Variants in ABCG1 observed in about 807,000 individuals in gnomAD.
The protein encoded by ABCG1 is ATP-binding cassette sub-family G member 1.
ABCG1 carries 29 observed loss-of-function variants against 69.2 expected under a neutral mutation model. The observed-to-expected ratio is 0.42, with a 90% CI of 0.31 to 0.57. The LOEUF (loss-of-function observed/expected upper bound fraction) is 0.57, where lower values mean the gene tolerates loss of function less well. Among genes scored for constraint, ABCG1 ranks in the 20% least tolerant of loss-of-function variants. The pLI is 0.15. For synonymous variants in ABCG1, 370 were observed against 374.8 expected (o/e 0.99, Z 0.15); for missense variants, 718 against 898.1 (o/e 0.80, Z 2.56).
intron 3 of ABCG1, among the ~76,000 whole-genome samples, chr21:42,272,346 G>A (rs118027638): frequency 0.011 from 1,607 of 152,308 alleles, 12 homozygotes; most frequent in Middle Eastern, 0.017. Flanking sequence ...TTGGCATCTC[G>A]GAGCTGCAGA....
At chr21:42,241,782 G>A (rs1433967368) in intron 2 of ABCG1, among the ~76,000 whole-genome samples, 1 of 151,072 alleles carries the variant, frequency 6.6e-6, no homozygotes, top group African/African-American at 2.4e-5. Context: ...AGAGCAGGAG[G>A]TCGAGACCAG....
Position 42,273,328 on chromosome 21 carries a change from C to T in ABCG1, c.430C>T (p.Leu144Phe). 6.2e-7 allele frequency: 1 copy of T among 1,613,596 alleles called. No homozygotes were observed. The highest frequency in any genetic ancestry group is 8.5e-7 in the Non-Finnish European group (1 of 1,179,902). ...GGAGACGGGCATGAAGGGGGCCGTC[C>T]TCATCAACGGCCTGCCCCGGGACCT... ...YRETGMKGAV[L>F]INGLPRDLRC... Residue 144 changes from leucine (L) to phenylalanine (F), a missense_variant, in exon 4 of 15, where the codon CTC becomes TTC. Leu to Phe is a conservative substitution (Grantham distance 22, BLOSUM62 0). Around this residue, in one of 2 missense-constraint regions of ABCG1, gnomAD observed 514 missense variants for 574.3 expected, o/e 0.90. Transcript: ENST00000398449. The surrounding 1 kb of genome is among the most constrained non-coding windows in gnomAD (Gnocchi z 5.3).
intron 2 of ABCG1, among the ~76,000 whole-genome samples, chr21:42,206,004 C>T (rs2067539867): frequency 6.6e-6 from 1 of 152,096 alleles, no homozygotes. Flanking sequence ...TCTAACTGTT[C>T]AGAAGTTTTT....
At chr21:42,259,959 G>C (rs1184939670) in intron 2 of ABCG1, 13 of 1,492,676 alleles carry the variant, frequency 8.7e-6, no homozygotes, top group Non-Finnish European at 1.2e-5. Context: ...GTGTTGGCTT[G>C]CTCTTCCCCT....
intron 1 of ABCG1, among the ~76,000 whole-genome samples, chr21:42,224,944 C>CT (rs545354317): frequency 0.041 from 5,879 of 144,422 alleles, 250 homozygotes; most frequent in African/African-American, 0.11. Flanking sequence ...GAACACCTAT[C>CT]TTTTTTTTTT....
chr21:42,289,624 G>C (rs1365317882), intron 10 of ABCG1, among the ~76,000 whole-genome samples: 1 of 152,104 alleles, frequency 6.6e-6, no homozygotes, highest in Non-Finnish European at 1.5e-5. Context: ...ATGGCTTCTG[G>C]GACCTAATTT....
At chr21:42,239,204 C>T (rs1265472666) in intron 2 of ABCG1, among the ~76,000 whole-genome samples, 1 of 152,202 alleles carries the variant, frequency 6.6e-6, no homozygotes, top group Non-Finnish European at 1.5e-5. Flanking sequence ...CCACCGCCTA[C>T]TAGCAGGGCA....
intron 7 of ABCG1, among the ~76,000 whole-genome samples, chr21:42,285,410 G>A (rs563405220): frequency 2.0e-5 from 3 of 152,230 alleles, no homozygotes; most frequent in Non-Finnish European, 4.4e-5. Flanking sequence ...GGAGGCTGAT[G>A]TGGGAGGATC....
At chr21:42,210,300 C>T (rs1452701053) in intron 2 of ABCG1, among the ~76,000 whole-genome samples, 3 of 152,102 alleles carry the variant, frequency 2.0e-5, no homozygotes, top group Non-Finnish European at 2.9e-5. Flanking sequence ...GTTGACCACA[C>T]GGAGTCAGGG....
At chr21:42,236,236 C>T (rs1277769898) in intron 2 of ABCG1, among the ~76,000 whole-genome samples, 1 of 152,260 alleles carries the variant, frequency 6.6e-6, no homozygotes, top group African/African-American at 2.4e-5. Flanking sequence ...TCCCGGCTGC[C>T]TGCCGAGTCA....
chr21:42,214,310 G>A (rs943604709), upstream of ABCG1, among the ~76,000 whole-genome samples: 1 of 152,200 alleles, frequency 6.6e-6, no homozygotes, highest in Non-Finnish European at 1.5e-5. Context: ...ATGAGGAACA[G>A]GCCCTCACCT....
intron 2 of ABCG1, among the ~76,000 whole-genome samples, chr21:42,244,883 C>T (rs117916745): frequency 0.019 from 2,946 of 152,320 alleles, 40 homozygotes; most frequent in South Asian, 0.028. Flanking sequence ...TGTTGGAACC[C>T]GAGCTTCAGA....
exon 2 of ABCG1, chr21:42,201,633 C>G (rs2067507092): frequency 6.3e-7 from 1 of 1,587,918 alleles, no homozygotes; most frequent in Non-Finnish European, 8.6e-7. Context: ...CCGTGCTCAG[C>G]AGACATCAGG....
At position 42,296,465 on chromosome 21, in the gene ABCG1, C is replaced by A; in HGVS notation, c.*73C>A. On this transcript the variant is annotated 3_prime_UTR_variant, in exon 15 of 15. Transcript: ENST00000398449. This position sits in a 1 kb window ranked among gnomAD's most constrained non-coding sequence, Gnocchi z 5.4. ...GCACGTCTAGAATCGAGGAGGCAAG[C>A]CTGTGCCCGACCGACGACACAGAGA... 1 of 1,389,630 alleles carries A rather than the reference C, an allele frequency of 7.2e-7. No homozygotes were observed. The highest frequency in any genetic ancestry group is 1.0e-6 in the Non-Finnish European group (1 of 1,001,470). 86.1% of individuals were successfully genotyped at this position (1,389,630 alleles called of 1,614,324 possible). A position where few individuals can be genotyped will look rare whatever the true frequency, so the allele number is the denominator to read the frequency against.
At chr21:42,202,905 G>T (rs534626342) in intron 2 of ABCG1, among the ~76,000 whole-genome samples, 1 of 152,220 alleles carries the variant, frequency 6.6e-6, no homozygotes, top group African/African-American at 2.4e-5. Flanking sequence ...GAGCCACAAT[G>T]CCCAGACTTC....
chr21:42,211,601 C>T (rs999040036), upstream of ABCG1, among the ~76,000 whole-genome samples: 1 of 152,068 alleles, frequency 6.6e-6, no homozygotes, highest in Non-Finnish European at 1.5e-5. Flanking sequence ...GATCCTGGGC[C>T]TGGCCTGGTG....
Position 42,291,121 on chromosome 21 carries a change from G to A in ABCG1, c.1423G>A (p.Glu475Lys). 6.2e-7 allele frequency: 1 copy of A among 1,614,126 alleles called. No individual in the cohort carries two copies. Among genetic ancestry groups the A allele is most frequent in the African/African-American group, 1.3e-5 (1 of 75,020 alleles). Residue 475 changes from glutamate to lysine, a missense_variant, in exon 12 of 15, where the codon GAA becomes AAA. Physicochemically the swap from Glu to Lys is moderately conservative, Grantham distance 56 (BLOSUM62 1). Around this residue, in one of 2 missense-constraint regions of ABCG1, gnomAD observed 204 missense variants for 323.8 expected, o/e 0.63. Transcript: ENST00000398449. The surrounding 1 kb of genome is among the most constrained non-coding windows in gnomAD (Gnocchi z 6.4). ...FPLEMGVFLR[E>K]HLNYWYSLKA... ...CCTGGAGATGGGAGTCTTTCTTCGG[G>A]AACACCTGAACTACTGGTACAGCCT...
intron 10 of ABCG1, among the ~76,000 whole-genome samples, chr21:42,289,028 G>A (rs2069004058): frequency 6.6e-6 from 1 of 152,102 alleles, no homozygotes; most frequent in Admixed American, 6.5e-5. Flanking sequence ...ATCCAATCAG[G>A]CCCCATCTCC....
At chr21:42,227,490 A>T (rs1040358537) in intron 2 of ABCG1, among the ~76,000 whole-genome samples, 1 of 152,246 alleles carries the variant, frequency 6.6e-6, no homozygotes, top group Admixed American at 6.5e-5. Flanking sequence ...AAATGTTGTC[A>T]TGACAGTAGA....
Sources: allele counts gnomAD v4.1 joint callset (sites outside exome capture counted in the v4.1 genomes callset), GRCh38; gene constraint gnomAD v4.1.1; regional missense constraint gnomAD v4.1.1; non-coding constraint Gnocchi (gnomAD v3.1); transcripts MANE v1.5; gene names NCBI Gene and HGNC (gene_info 2026-07-23, HGNC 2026-07-21).